Variants in CBLB observed in about 807,000 individuals in gnomAD.
The protein encoded by CBLB is Cbl proto-oncogene B, also known as E3 ubiquitin-protein ligase CBL-B.
CBLB carries 31 observed loss-of-function variants against 104.9 expected under a neutral mutation model. That is an observed-to-expected ratio of 0.30 (90% confidence interval 0.22 to 0.40). The LOEUF (loss-of-function observed/expected upper bound fraction) is 0.40, where lower values mean the gene tolerates loss of function less well. Among genes scored for constraint, CBLB ranks in the 10% least tolerant of loss-of-function variants. CBLB has a pLI of 1.00. For synonymous variants in CBLB, 440 were observed against 422.6 expected, an observed-to-expected ratio of 1.04 and a Z score of -0.51; for missense variants, 1,062 against 1,214.6, an observed-to-expected ratio of 0.87 and a Z score of 1.87.
intron 12 of CBLB, among the ~76,000 whole-genome samples, chr3:105,695,589 A>G (rs755781482): frequency 1.7e-4 from 26 of 151,926 alleles, no homozygotes; most frequent in Middle Eastern, 3.4e-3. Context: ...ACTTATTCCT[A>G]ATTTTTTGAA....
At chr3:105,782,544 A>T (rs1023817556) in intron 3 of CBLB, among the ~76,000 whole-genome samples, 1 of 149,702 alleles carries the variant, frequency 6.7e-6, no homozygotes, top group South Asian at 2.1e-4. Context: ...AACTTTGGGC[A>T]TTCTTTGATC....
chr3:105,834,786 G>A (rs1369267503), intron 3 of CBLB, among the ~76,000 whole-genome samples: 6 of 152,130 alleles, frequency 3.9e-5, no homozygotes, highest in Non-Finnish European at 2.9e-5. Context: ...GTTAAACTCC[G>A]ACAATAAGAG....
At chr3:105,726,521 T>C (rs542304286) in intron 9 of CBLB, among the ~76,000 whole-genome samples, 4 of 152,026 alleles carry the variant, frequency 2.6e-5, no homozygotes, top group African/African-American at 9.6e-5. Context: ...GTTTGTTCCA[T>C]TCAGGAGCTC....
chr3:105,786,938 T>A (rs921533261), intron 3 of CBLB, among the ~76,000 whole-genome samples: 4 of 152,212 alleles, frequency 2.6e-5, no homozygotes, highest in Admixed American at 6.5e-5. Context: ...TTATTAGATA[T>A]ATGATATGTC....
intron 6 of CBLB, 109 bp downstream of exon 6, chr3:105,745,808 C>T (rs1455247153): frequency 1.0e-6 from 1 of 986,198 alleles, no homozygotes; most frequent in African/African-American, 1.6e-5. Context: ...TTTTCTAGCC[C>T]CCTCCCAAGC....
At chr3:105,734,192 A>T in intron 8 of CBLB, 52 bp from the exon 9 acceptor site, 1 of 1,574,240 alleles carries the variant, frequency 6.4e-7, no homozygotes, top group Non-Finnish European at 8.7e-7. Context: ...TCCAGCACAA[A>T]TTGTTAGTAT....
chr3:105,688,949 G>A (rs2067340385), intron 13 of CBLB, among the ~76,000 whole-genome samples: 1 of 152,036 alleles, frequency 6.6e-6, no homozygotes, highest in African/African-American at 2.4e-5. Context: ...TCCAGCCTCT[G>A]TGCTCTTCAC....
intron 14 of CBLB, among the ~76,000 whole-genome samples, chr3:105,683,534 T>G (rs565800301): frequency 7.1e-6 from 1 of 140,798 alleles, no homozygotes; most frequent in East Asian, 2.0e-4. Flanking sequence ...CGTATTAAAA[T>G]TATACTCCTC....
chr3:105,838,807 T>G (rs935092493), intron 3 of CBLB, among the ~76,000 whole-genome samples: 8 of 152,000 alleles, frequency 5.3e-5, no homozygotes, highest in Non-Finnish European at 1.0e-4. Flanking sequence ...ACCCAGCTAA[T>G]TTTTGCATTT....
chr3:105,790,008 T>C (rs901399918), intron 3 of CBLB, among the ~76,000 whole-genome samples: 1 of 152,182 alleles, frequency 6.6e-6, no homozygotes, highest in African/African-American at 2.4e-5. Context: ...CCTGTGTAAA[T>C]GTTATTAGTG....
intron 9 of CBLB, among the ~76,000 whole-genome samples, chr3:105,730,582 A>G (rs961563427): frequency 3.9e-5 from 6 of 152,126 alleles, no homozygotes; most frequent in African/African-American, 1.2e-4. Context: ...GAAAGAAAAT[A>G]CATAAATATG....
At chr3:105,718,554 G>T (rs1473542786) in intron 10 of CBLB, among the ~76,000 whole-genome samples, 10 of 152,166 alleles carry the variant, frequency 6.6e-5, no homozygotes. Context: ...CCTTCCTACA[G>T]AGATAGATGA....
At chr3:105,773,082 C>A (rs113380779) in intron 4 of CBLB, among the ~76,000 whole-genome samples, 366 of 152,300 alleles carry the variant, frequency 2.4e-3, no homozygotes, top group African/African-American at 8.4e-3. Flanking sequence ...AAGACACATG[C>A]ACACGCTTGT....
At chr3:105,843,154 T>C (rs963074418) in intron 3 of CBLB, among the ~76,000 whole-genome samples, 11 of 152,226 alleles carry the variant, frequency 7.2e-5, no homozygotes, top group Non-Finnish European at 1.3e-4. Flanking sequence ...AACTATTTAC[T>C]ATCTGGCTCT....
At chr3:105,728,629 A>G (rs2073959693) in intron 9 of CBLB, among the ~76,000 whole-genome samples, 1 of 152,196 alleles carries the variant, frequency 6.6e-6, no homozygotes, top group African/African-American at 2.4e-5. Flanking sequence ...TGGATGTGAA[A>G]GACAACTCTC....
intron 3 of CBLB, among the ~76,000 whole-genome samples, chr3:105,782,321 A>G (rs2080354490): frequency 6.6e-6 from 1 of 152,240 alleles, no homozygotes; most frequent in Non-Finnish European, 1.5e-5. Flanking sequence ...GGAACAACCT[A>G]AACTGAAACA....
intron 4 of CBLB, among the ~76,000 whole-genome samples, chr3:105,752,816 T>C (rs1466434927): frequency 2.0e-5 from 3 of 152,186 alleles, no homozygotes; most frequent in African/African-American, 4.8e-5. Context: ...ACCCAAGATA[T>C]TATGATTCAG....
intron 3 of CBLB, among the ~76,000 whole-genome samples, chr3:105,851,494 C>T (rs2090949155): frequency 6.6e-6 from 1 of 152,118 alleles, no homozygotes; most frequent in Admixed American, 6.5e-5. Context: ...TAGAACAGCA[C>T]AACACAAAAA....
Position 105,661,214 on chromosome 3 carries a change from T to C in CBLB, c.2690-1985A>G, listed in dbSNP as rs533198941. 5.3e-5 allele frequency among the ~76,000 whole-genome samples: 8 copies of C among 152,300 alleles called. No individual in the cohort carries two copies. The South Asian group carries it at 1.7e-3, about 32-fold the overall frequency. ...TAAAGTATGCCCATATATAAGAACA[T>C]ATAATTTCTGGTTCTTGCTAATATC... On this transcript the variant is annotated intron_variant, in intron 18 of 18. Transcript: ENST00000394030.
Sources: allele counts gnomAD v4.1 joint callset (sites outside exome capture counted in the v4.1 genomes callset), GRCh38; gene constraint gnomAD v4.1.1; transcripts MANE v1.5; gene names NCBI Gene and HGNC (gene_info 2026-07-23, HGNC 2026-07-21).